The following PDE12 variants were observed in gnomAD, a reference collection of about 807,000 sequenced individuals.
PDE12 encodes the protein 2',5'-phosphodiesterase 12.
In PDE12, 26 loss-of-function variants were observed where a neutral mutation model predicts 45.4. The observed-to-expected ratio is 0.57, with a 90% CI of 0.42 to 0.79. PDE12 has a LOEUF of 0.79. Ranked by LOEUF, PDE12 falls within the 30% of genes least tolerant of loss-of-function variation. The pLI is 0.00. For synonymous variants in PDE12, 283 were observed against 323.9 expected (o/e 0.87, Z 1.36); for missense variants, 668 against 790.0 (o/e 0.85, Z 1.85).
chr3:57,622,456 A>G, the PDE12 span, among the ~76,000 whole-genome samples: 17 of 152,344 alleles, frequency 1.1e-4, no homozygotes, highest in Non-Finnish European at 1.8e-4. Context: ...GAACAGCTGG[A>G]ACTTTCATAC....
At chr3:57,626,986 CAAA>C in the PDE12 span, 1 of 152,008 alleles carries the variant, frequency 6.6e-6, no homozygotes, top group Non-Finnish European at 1.5e-5. Flanking sequence ...TATCATCACT[CAAA>C]TAAGTATCAC....
chr3:57,589,034 G>A, the PDE12 span, among the ~76,000 whole-genome samples: 5 of 151,940 alleles, frequency 3.3e-5, no homozygotes, highest in African/African-American at 4.8e-5. Context: ...CCTGAGAGGC[G>A]GAGGTCGCAG....
chr3:57,560,068 G>A lies in PDE12; in HGVS notation c.*64G>A. ...GTTATTTTAGCAGAAAATTTAATAT[G>A]AATCAAAGCTTATATGTAAACTTCA... On this transcript the variant is annotated 3_prime_UTR_variant, in exon 3 of 3. Coordinates refer to ENST00000311180, the MANE Select transcript of PDE12 (RefSeq NM_177966.7). 6.6e-7 allele frequency: 1 copy of A among 1,524,908 alleles called. No individual in the cohort carries two copies. Among genetic ancestry groups the A allele is most frequent in the Non-Finnish European group, 8.7e-7 (1 of 1,145,668 alleles). The allele number at this position is 1,524,908 out of a possible 1,614,324, so 94.5% of individuals were successfully genotyped here.
downstream of PDE12, among the ~76,000 whole-genome samples, chr3:57,570,226 T>G (rs972361498): frequency 7.0e-6 from 1 of 142,330 alleles, no homozygotes; most frequent in Non-Finnish European, 1.5e-5. Flanking sequence ...AGTGTTTTTT[T>G]TTTTTTTTTT....
chr3:57,653,467 C>CG, the PDE12 span, among the ~76,000 whole-genome samples: 1 of 151,936 alleles, frequency 6.6e-6, no homozygotes, highest in Non-Finnish European at 1.5e-5. Flanking sequence ...AGTAGTAGGC[C>CG]GGGCGCGGTG....
chr3:57,597,733 A>C, the PDE12 span: 3 of 153,220 alleles, frequency 2.0e-5, no homozygotes, highest in Non-Finnish European at 4.4e-5. Context: ...CGGAAAGGCG[A>C]GCTGAGCATT....
At chr3:57,596,153 G>A in the PDE12 span, among the ~76,000 whole-genome samples, 3 of 152,008 alleles carry the variant, frequency 2.0e-5, no homozygotes, top group Non-Finnish European at 4.4e-5. Context: ...TCCCTCAGCT[G>A]AGCAAAAACA....
chr3:57,628,936 CCT>C, the PDE12 span: 3 of 1,523,810 alleles, frequency 2.0e-6, no homozygotes, highest in African/African-American at 4.2e-5. Flanking sequence ...AATATTCAAA[CCT>C]CTCTATTTCA....
At chr3:57,608,042 G>T in the PDE12 span, among the ~76,000 whole-genome samples, 11,355 of 152,180 alleles carry the variant, frequency 0.075, 1,454 homozygotes, top group African/African-American at 0.26. Flanking sequence ...TGAGCTCTCG[G>T]CAGAAACTCT....
At chr3:57,597,913 G>A in the PDE12 span, 1 of 152,162 alleles carries the variant, frequency 6.6e-6, no homozygotes, top group East Asian at 1.9e-4. Flanking sequence ...CTGACTTGTG[G>A]GCCGAGAAAC....
chr3:57,616,451 AGAG>A, the PDE12 span, among the ~76,000 whole-genome samples: 14 of 151,166 alleles, frequency 9.3e-5, no homozygotes, highest in East Asian at 2.1e-3. Context: ...AGGAAGATGA[AGAG>A]TAGGAGGAGG....
chr3:57,602,191 C>A, the PDE12 span, among the ~76,000 whole-genome samples: 1 of 152,186 alleles, frequency 6.6e-6, no homozygotes, highest in Non-Finnish European at 1.5e-5. Context: ...ATCCTCTCAA[C>A]AGTTTAATCC....
At chr3:57,609,022 T>A in the PDE12 span, among the ~76,000 whole-genome samples, 1 of 152,068 alleles carries the variant, frequency 6.6e-6, no homozygotes, top group South Asian at 2.1e-4. Flanking sequence ...GAACAGAAAT[T>A]ATAACAAACT....
At chr3:57,597,825 C>T in the PDE12 span, 1 of 152,342 alleles carries the variant, frequency 6.6e-6, no homozygotes, top group Non-Finnish European at 1.5e-5. Context: ...TTACACGTTT[C>T]ACACACGGGA....
At chr3:57,633,163 G>C in the PDE12 span, 2 of 971,586 alleles carry the variant, frequency 2.1e-6, no homozygotes, top group Non-Finnish European at 3.1e-6. Context: ...TACCAGGCTG[G>C]CAAAACACAC....
chr3:57,584,061 C>T, the PDE12 span: 1 of 1,224,624 alleles, frequency 8.2e-7, no homozygotes, highest in African/African-American at 1.5e-5. Context: ...AAAATAAAAC[C>T]TTTTATTGTG....
At chr3:57,605,891 C>T in the PDE12 span, among the ~76,000 whole-genome samples, 5 of 151,978 alleles carry the variant, frequency 3.3e-5, no homozygotes, top group Non-Finnish European at 5.9e-5. Flanking sequence ...GATTAAACTA[C>T]ACAGAAGAAA....
chr3:57,609,065 C>T, the PDE12 span, among the ~76,000 whole-genome samples: 150 of 152,216 alleles, frequency 9.9e-4, no homozygotes, highest in African/African-American at 3.3e-3. Flanking sequence ...CAAACTAGAA[C>T]GCAGGATTAA....
At chr3:57,654,565 T>C in the PDE12 span, 1 of 910,356 alleles carries the variant, frequency 1.1e-6, no homozygotes, top group Non-Finnish European at 1.3e-6. Flanking sequence ...AAATAGCAAA[T>C]ATCATCAAGT....
Sources: gnomAD v4.1 joint callset for allele counts (sites outside exome capture counted in the v4.1 genomes callset) on GRCh38, gnomAD v4.1.1 for gene constraint, MANE v1.5 for transcripts, NCBI Gene and HGNC (gene_info 2026-07-23, HGNC 2026-07-21) for gene names.